The following ARHGEF3 variants were observed in gnomAD, a reference collection of about 807,000 sequenced individuals.
ARHGEF3 encodes Rho guanine nucleotide exchange factor 3.
In ARHGEF3, 28 loss-of-function variants were observed where a neutral mutation model predicts 63.2. That is an observed-to-expected ratio of 0.44 (90% confidence interval 0.33 to 0.61). The LOEUF is 0.61. Ranked by LOEUF, ARHGEF3 falls within the 20% of genes least tolerant of loss-of-function variation. The pLI is 0.03. For missense variants in ARHGEF3, 533 were observed against 659.3 expected (o/e 0.81, Z 2.10); for synonymous variants, 266 against 254.2 (o/e 1.05, Z -0.44).
intron 9 of ARHGEF3, among the ~76,000 whole-genome samples, chr3:56,731,425 G>A: frequency 6.6e-6 from 1 of 151,896 alleles, no homozygotes; most frequent in Non-Finnish European, 1.5e-5. Flanking sequence ...CAGTTACTTG[G>A]AAGGTTGAGA....
At chr3:56,741,255 G>A (rs1133461) in intron 7 of ARHGEF3, among the ~76,000 whole-genome samples, 4 of 140,496 alleles carry the variant, frequency 2.8e-5, no homozygotes, top group East Asian at 2.1e-4. Flanking sequence ...GCGCAATCTC[G>A]GCTCACTGCA....
intron 6 of ARHGEF3, among the ~76,000 whole-genome samples, chr3:56,747,589 T>C (rs1019651170): frequency 2.6e-5 from 4 of 152,128 alleles, no homozygotes; most frequent in African/African-American, 4.8e-5. Context: ...TGTAATCATA[T>C]TACTTTGGGA....
At chr3:56,985,686 C>T (rs994341635) in intron 2 of ARHGEF3, among the ~76,000 whole-genome samples, 3 of 152,212 alleles carry the variant, frequency 2.0e-5, no homozygotes, top group African/African-American at 7.2e-5. Flanking sequence ...AACAGCATAG[C>T]TGAGAGCAGC....
At chr3:56,862,735 T>C (rs1384119364) in intron 4 of ARHGEF3, among the ~76,000 whole-genome samples, 1 of 152,210 alleles carries the variant, frequency 6.6e-6, no homozygotes, top group African/African-American at 2.4e-5. Context: ...TGGAAAATGT[T>C]TGTGGTTGCA....
intron 1 of ARHGEF3, among the ~76,000 whole-genome samples, chr3:57,047,380 A>C (rs570784351): frequency 2.6e-4 from 35 of 135,368 alleles, no homozygotes; most frequent in Middle Eastern, 3.6e-3. Context: ...AACAAACAAA[A>C]AAAAAACTTC....
chr3:56,750,924 GA>G (rs2034701164), intron 6 of ARHGEF3, 131 bp downstream of exon 6: 2 of 571,474 alleles, frequency 3.5e-6, no homozygotes, highest in Non-Finnish European at 5.5e-6. Flanking sequence ...ATTTTACTAG[GA>G]TTTTTTTTTC....
At chr3:56,979,954 C>T (rs1338942497) in intron 2 of ARHGEF3, among the ~76,000 whole-genome samples, 1 of 152,156 alleles carries the variant, frequency 6.6e-6, no homozygotes, top group Non-Finnish European at 1.5e-5. Context: ...GCTCTGGAAC[C>T]AGCTGCGTGG....
intron 2 of ARHGEF3, among the ~76,000 whole-genome samples, chr3:57,025,504 T>C (rs1703435764): frequency 6.6e-6 from 1 of 152,162 alleles, no homozygotes; most frequent in African/African-American, 2.4e-5. Context: ...TCAGTGACTC[T>C]GTGTTAGCAT....
chr3:57,021,106 A>T (rs1217137409), intron 2 of ARHGEF3, among the ~76,000 whole-genome samples: 4 of 152,228 alleles, frequency 2.6e-5, no homozygotes, highest in African/African-American at 9.6e-5. Flanking sequence ...AAATGACAGA[A>T]AGTAGCTCCA....
rs1185999219 is a variant in ARHGEF3 at position 56,751,070 on chromosome 3, T to C, written c.598A>G (p.Ile200Val). ...AACTTTCTTACCCAGCCCACGAGGATGGGACCAACATGTTCAGTCGAGCCA... is the reference window on the plus strand; with the variant it reads ...AACTTTCTTACCCAGCCCACGAGGACGGGACCAACATGTTCAGTCGAGCCA... ...PDGSTEHVGP[I>V]LVGWLPCLSS... is the part of the protein sequence containing the mutation. Residue 200 changes from isoleucine to valine, a missense_variant, in exon 6 of 10, where the codon ATC becomes GTC. Coordinates refer to ENST00000296315, the MANE Select transcript of ARHGEF3 (RefSeq NM_019555.3). 2 of 1,613,924 alleles carry C rather than the reference T, an allele frequency of 1.2e-6. No individual in the cohort carries two copies. The highest frequency in any genetic ancestry group is 2.2e-5 in the South Asian group (2 of 91,060).
chr3:56,932,408 T>C (rs1358076956), intron 3 of ARHGEF3, among the ~76,000 whole-genome samples: 1 of 152,182 alleles, frequency 6.6e-6, no homozygotes, highest in Non-Finnish European at 1.5e-5. Flanking sequence ...TTGTACTGTA[T>C]ATACAATTTT....
chr3:57,073,860 G>T, intron 1 of ARHGEF3: 1 of 1,614,196 alleles, frequency 6.2e-7, no homozygotes, highest in Non-Finnish European at 8.5e-7. Context: ...ATCATGCCAG[G>T]GTCCAGGTGT....
chr3:56,780,458 T>C (rs2036513027), intron 1 of ARHGEF3, among the ~76,000 whole-genome samples: 1 of 152,240 alleles, frequency 6.6e-6, no homozygotes, highest in South Asian at 2.1e-4. Flanking sequence ...ACAGTACATT[T>C]ATCAAAACTA....
At chr3:56,737,419 A>G in intron 7 of ARHGEF3, 64 bp from the exon 8 acceptor site, 2 of 1,410,250 alleles carry the variant, frequency 1.4e-6, no homozygotes, top group South Asian at 2.5e-5. Flanking sequence ...ACCAAGTCTT[A>G]GGGGCTCAGC....
At chr3:57,044,295 A>C (rs1191090465) in intron 1 of ARHGEF3, among the ~76,000 whole-genome samples, 1 of 152,252 alleles carries the variant, frequency 6.6e-6, no homozygotes, top group Non-Finnish European at 1.5e-5. Context: ...CATCACCACC[A>C]GCTGAAGCAA....
intron 3 of ARHGEF3, among the ~76,000 whole-genome samples, chr3:56,904,177 G>A (rs1273295672): frequency 6.6e-6 from 1 of 152,096 alleles, no homozygotes; most frequent in Non-Finnish European, 1.5e-5. Context: ...CTACAGGCAC[G>A]TGCCACCATG....
intron 4 of ARHGEF3, among the ~76,000 whole-genome samples, chr3:56,823,713 G>T (rs2038604270): frequency 6.6e-6 from 1 of 152,072 alleles, no homozygotes; most frequent in Non-Finnish European, 1.5e-5. Flanking sequence ...CTAGACCCCA[G>T]GTTATTTTAA....
rs143598587 is a variant in ARHGEF3, at chr3:56,976,100, G to A, written c.63-17211C>T. Among the ~76,000 whole-genome samples, 422 of 152,224 alleles carry A rather than the reference G, an allele frequency of 2.8e-3. 2 individuals are homozygous for A. The highest frequency in any genetic ancestry group is 9.6e-3 in the African/African-American group (398 of 41,518). On this transcript the variant is annotated intron_variant, in intron 2 of 12. Coordinates refer to the ARHGEF3 transcript ENST00000338458. The stretch of plus-strand genomic sequence containing the variant: ...TCTGTTGCCCAGGCTGGAGTGCAGT[G>A]GCGCAATCTTGGCTCACTGCAACCT...
At chr3:56,907,895 T>C (rs1250670182) in intron 3 of ARHGEF3, among the ~76,000 whole-genome samples, 3 of 151,926 alleles carry the variant, frequency 2.0e-5, no homozygotes, top group Non-Finnish European at 4.4e-5. Flanking sequence ...ACAGGGAGGA[T>C]TGGGAAAAAT....
Sources: gnomAD v4.1 joint callset for allele counts (sites outside exome capture counted in the v4.1 genomes callset) on GRCh38, gnomAD v4.1.1 for gene constraint, MANE v1.5 for transcripts, NCBI Gene and HGNC (gene_info 2026-07-23, HGNC 2026-07-21) for gene names.